The following CDH23 variants were observed in gnomAD, a reference collection of about 807,000 sequenced individuals.
CDH23 encodes the protein cadherin related 23, also known as cadherin-23.
In CDH23, 189 loss-of-function variants were observed where a neutral mutation model predicts 317.1. That is an observed-to-expected ratio of 0.60 (90% CI 0.53 to 0.67). The LOEUF is 0.67. Ranked by LOEUF, CDH23 falls within the 30% of genes least tolerant of loss-of-function variation. The probability of loss-of-function intolerance (pLI) is 0.00; values close to 1 mark genes in which losing one functional copy is unlikely to be tolerated. For synonymous variants in CDH23, 1,839 were observed against 1,876.8 expected, an observed-to-expected ratio of 0.98 and a Z score of 0.52; for missense variants, 4,401 against 4,592.4, an observed-to-expected ratio of 0.96 and a Z score of 1.20.
intron 6 of CDH23, among the ~76,000 whole-genome samples, chr10:71,523,643 C>T (rs527599921): frequency 1.8e-4 from 27 of 152,244 alleles, no homozygotes; most frequent in Non-Finnish European, 3.5e-4. Flanking sequence ...CCCGTTTAAC[C>T]GTTGCTGTGC....
At chr10:71,671,278 T>G (rs945657151) in intron 14 of CDH23, among the ~76,000 whole-genome samples, 37 of 152,232 alleles carry the variant, frequency 2.4e-4, no homozygotes, top group African/African-American at 7.9e-4. Context: ...GGTTTGGCAT[T>G]TTTTAGGTAC....
At chr10:71,790,520 T>C (rs767555554) in intron 46 of CDH23, 107 bp downstream of exon 46, 2 of 1,411,544 alleles carry the variant, frequency 1.4e-6, no homozygotes, top group East Asian at 4.9e-5. Context: ...AGGCTGTCCG[T>C]GGAGACCCCA....
chr10:71,560,370 A>G (rs1311097099), intron 6 of CDH23, among the ~76,000 whole-genome samples: 1 of 152,008 alleles, frequency 6.6e-6, no homozygotes, highest in African/African-American at 2.4e-5. Flanking sequence ...TTTTTTGGCT[A>G]CAGCTCCCCA....
intron 14 of CDH23, among the ~76,000 whole-genome samples, chr10:71,660,468 A>G (rs1863602921): frequency 6.6e-6 from 1 of 152,070 alleles, no homozygotes; most frequent in Admixed American, 6.6e-5. Flanking sequence ...TCATGGTCCC[A>G]GGTGGTTGCC....
At chr10:71,579,512 A>G (rs914340752) in intron 9 of CDH23, among the ~76,000 whole-genome samples, 2 of 152,182 alleles carry the variant, frequency 1.3e-5, no homozygotes, top group African/African-American at 2.4e-5. Flanking sequence ...AGCATGCCCA[A>G]GAATCTCCCG....
At chr10:71,787,286 A>G (rs1841131873) in intron 44 of CDH23, among the ~76,000 whole-genome samples, 1 of 150,828 alleles carries the variant, frequency 6.6e-6, no homozygotes, top group South Asian at 2.1e-4. Flanking sequence ...TCTTCAACCC[A>G]GGTCTTTGAA....
intron 41 of CDH23, among the ~76,000 whole-genome samples, chr10:71,779,955 T>G (rs1255209604): frequency 6.6e-6 from 1 of 152,056 alleles, no homozygotes; most frequent in Non-Finnish European, 1.5e-5. Flanking sequence ...TACTATAGAG[T>G]GGGAATCCCA....
chr10:71,645,861 G>A lies in CDH23; in HGVS notation c.1171G>A (p.Val391Met). 1 of 1,612,862 alleles carries A rather than the reference G, an allele frequency of 6.2e-7. No individual in the cohort carries two copies. The highest frequency in any genetic ancestry group is 8.5e-7 in the Non-Finnish European group (1 of 1,179,036). ...GAACAGCATGTTTGAGGTGTACTTG[G>A]TGGGGAACAACTCCCACCACTTCAT... is the stretch of plus-strand genomic sequence containing the variant. ...GLNSMFEVYL[V>M]GNNSHHFIIS... Residue 391 changes from valine to methionine, a missense_variant, in exon 13 of 70, where the codon GTG becomes ATG. Around this residue, in one of 3 missense-constraint regions of CDH23, gnomAD observed 3,068 missense variants for 3,203.3 expected, o/e 0.96. Transcript: ENST00000224721.
intron 6 of CDH23, among the ~76,000 whole-genome samples, chr10:71,524,107 A>G (rs1010507242): frequency 2.0e-5 from 3 of 152,376 alleles, no homozygotes; most frequent in East Asian, 1.9e-4. Flanking sequence ...CAGAGCTTCT[A>G]TAGCTTTGAC....
Position 71,739,761 on chromosome 10 carries a change from T to A in CDH23, c.4477T>A (p.Tyr1493Asn). ...CCTGGACAGAGAAGAGCTGGATCAC[T>A]ACATCCTCCAGGTGGGGCCTGGCCT... The part of the protein sequence containing the change: ...RPLDREELDH[Y>N]ILQVVASDRG... Residue 1493 changes from tyrosine to asparagine, a missense_variant, in exon 36 of 70, where the codon TAC becomes AAC. This residue lies in a region of CDH23 where 3,068 missense variants were observed against 3,203.3 expected (regional missense o/e 0.96). Coordinates refer to ENST00000224721, the MANE Select transcript of CDH23 (RefSeq NM_022124.6). The A allele has an allele frequency of 6.2e-7, 1 of 1,611,092 alleles. No individual in the cohort carries two copies. Among genetic ancestry groups the A allele is most frequent in the Non-Finnish European group, 8.5e-7 (1 of 1,178,706 alleles).
At chr10:71,785,884 C>T (rs1449385472) in intron 44 of CDH23, 146 bp downstream of exon 44, 1 of 675,568 alleles carries the variant, frequency 1.5e-6, no homozygotes, top group African/African-American at 1.8e-5. Context: ...TCCCAGTTCT[C>T]TCCTTCAGTA....
intron 25 of CDH23, among the ~76,000 whole-genome samples, 195 bp from the exon 26 acceptor site, chr10:71,706,702 G>A (rs1196572033): frequency 6.6e-6 from 1 of 152,232 alleles, no homozygotes; most frequent in Non-Finnish European, 1.5e-5. Flanking sequence ...GCACTGGTGG[G>A]CCTGGTCCTG....
intron 38 of CDH23, among the ~76,000 whole-genome samples, chr10:71,775,616 C>T (rs1011587623): frequency 2.0e-5 from 3 of 152,162 alleles, no homozygotes; most frequent in African/African-American, 7.2e-5. Flanking sequence ...CTTTGGAGCA[C>T]TGACTTTCTC....
chr10:71,729,423 C>T (rs1014342131), intron 30 of CDH23, among the ~76,000 whole-genome samples: 1 of 152,210 alleles, frequency 6.6e-6, no homozygotes, highest in Non-Finnish European at 1.5e-5. Context: ...CCAGGGAGCC[C>T]TAAAGCGTCC....
chr10:71,481,272 C>T (rs1052224010), intron 3 of CDH23, among the ~76,000 whole-genome samples: 1 of 152,152 alleles, frequency 6.6e-6, no homozygotes, highest in African/African-American at 2.4e-5. Flanking sequence ...GAGGGAGTTC[C>T]CTGCCTCCAG....
intron 3 of CDH23, among the ~76,000 whole-genome samples, chr10:71,487,084 C>T (rs2132129840): frequency 6.6e-6 from 1 of 152,260 alleles, no homozygotes; most frequent in Admixed American, 6.5e-5. Context: ...CAGCTGTTTC[C>T]CCTGCCTGGA....
intron 38 of CDH23, 34 bp downstream of exon 38, chr10:71,741,955 G>A (rs547202516): frequency 3.9e-6 from 6 of 1,520,696 alleles, no homozygotes; most frequent in Non-Finnish European, 5.3e-6. Flanking sequence ...GGAGGAGCGG[G>A]TGGGCCAGGG....
intron 38 of CDH23, among the ~76,000 whole-genome samples, chr10:71,756,090 G>A (rs1328363355): frequency 3.3e-5 from 5 of 152,110 alleles, no homozygotes; most frequent in African/African-American, 1.2e-4. Context: ...AACACCCGGG[G>A]TGAGAACTAG....
intron 3 of CDH23, among the ~76,000 whole-genome samples, chr10:71,451,274 C>T (rs1364814723): frequency 6.6e-6 from 1 of 152,226 alleles, no homozygotes; most frequent in Non-Finnish European, 1.5e-5. Flanking sequence ...CTCACCCACG[C>T]TGCGGCCTTT....
Sources: allele counts gnomAD v4.1 joint callset (sites outside exome capture counted in the v4.1 genomes callset), GRCh38; gene constraint gnomAD v4.1.1; regional missense constraint gnomAD v4.1.1; transcripts MANE v1.5; gene names NCBI Gene and HGNC (gene_info 2026-07-23, HGNC 2026-07-21).